PRKCA: variants seen among roughly 807,000 people sequenced by gnomAD.
PRKCA encodes the protein protein kinase C alpha, also known as protein kinase C alpha type.
A neutral mutation model predicts 87.0 loss-of-function variants in PRKCA; 27 were observed. The ratio of observed to expected loss-of-function variants is 0.31; its 90% CI spans 0.23 to 0.43. The LOEUF (loss-of-function observed/expected upper bound fraction) is 0.43, where lower values mean the gene tolerates loss of function less well. PRKCA is among the 20% of genes least tolerant of loss of function. The pLI is 1.00. For synonymous variants in PRKCA, 329 were observed against 311.1 expected, an observed-to-expected ratio of 1.06 and a Z score of -0.61; for missense variants, 518 against 852.3, an observed-to-expected ratio of 0.61 and a Z score of 4.88.
chr17:66,779,064 C>T (rs1301620288), intron 14 of PRKCA, among the ~76,000 whole-genome samples: 2 of 152,150 alleles, frequency 1.3e-5, no homozygotes, highest in African/African-American at 4.8e-5. Context: ...ATAATGAAGG[C>T]TCTACCCAGT....
intron 13 of PRKCA, among the ~76,000 whole-genome samples, chr17:66,754,017 G>T (rs144969512): frequency 2.6e-5 from 4 of 151,954 alleles, no homozygotes; most frequent in Non-Finnish European, 4.4e-5. Context: ...GTATTTAACC[G>T]TCTGTTGGCT....
chr17:66,740,560 T>C lies in PRKCA; in HGVS notation c.1323-1099T>C, dbSNP rs1022188840. ...GAAGGCAGAATAGGGAAATCTTTGG[T>C]TGCAAGCTTTAAAAGTGTGAAGGGG... On this transcript the variant is annotated intron_variant, in intron 11 of 16. Coordinates refer to ENST00000413366, the MANE Select transcript of PRKCA (RefSeq NM_002737.3). Among the ~76,000 whole-genome samples the C allele has an allele frequency of 3.3e-5, 5 of 152,198 alleles. 1 individual carries two copies. Among genetic ancestry groups the C allele is most frequent in the South Asian group, 4.1e-4 (2 of 4,834 alleles).
intron 5 of PRKCA, among the ~76,000 whole-genome samples, chr17:66,662,503 A>G (rs1310114381): frequency 1.3e-5 from 2 of 152,108 alleles, no homozygotes; most frequent in South Asian, 2.1e-4. Flanking sequence ...CATCCAAGAT[A>G]CTCGGCCCCC....
chr17:66,558,341 G>T (rs1361264985), intron 3 of PRKCA, among the ~76,000 whole-genome samples: 1 of 152,244 alleles, frequency 6.6e-6, no homozygotes, highest in Non-Finnish European at 1.5e-5. Flanking sequence ...CACAGTAGGT[G>T]CTATGTAGGC....
intron 2 of PRKCA, among the ~76,000 whole-genome samples, chr17:66,320,287 CCCTGTGCTATGAA>C (rs1234227576): frequency 1.3e-5 from 2 of 152,074 alleles, no homozygotes; most frequent in Non-Finnish European, 2.9e-5. Flanking sequence ...TATAGGATGA[CCCTGTGCTATGAA>C]CCTTTGTACT....
Position 66,803,080 on chromosome 17 carries a change from CTG to C in PRKCA, c.1855-787_1855-786del, listed in dbSNP as rs547708344. Among the ~76,000 whole-genome samples, 4 of 152,332 alleles carry C rather than the reference CTG, an allele frequency of 2.6e-5. No individual in the cohort carries two copies. In the South Asian group the frequency reaches 8.3e-4, roughly 32 times the overall value. On this transcript the variant is annotated intron_variant, in intron 16 of 16. Coordinates refer to ENST00000413366, the MANE Select transcript of PRKCA (RefSeq NM_002737.3). This position sits in a 1 kb window ranked among gnomAD's most constrained non-coding sequence, Gnocchi z 4.4. ...CTACCAAGCCGTGCTGCCTAAGCGGCTGTGTGTCTCAGCGACCCCAGTGCAAC... is the reference window on the plus strand; with the variant it reads ...CTACCAAGCCGTGCTGCCTAAGCGGCTGTGTCTCAGCGACCCCAGTGCAAC...
chr17:66,573,109 G>A (rs901795645), intron 3 of PRKCA, among the ~76,000 whole-genome samples: 1 of 152,100 alleles, frequency 6.6e-6, no homozygotes, highest in Non-Finnish European at 1.5e-5. Flanking sequence ...AGAAATGCTT[G>A]GTTTGTGGGT....
At chr17:66,628,583 T>C (rs1451374428) in intron 3 of PRKCA, among the ~76,000 whole-genome samples, 2 of 152,222 alleles carry the variant, frequency 1.3e-5, no homozygotes, top group Non-Finnish European at 2.9e-5. Flanking sequence ...TTTTCTAATT[T>C]TTTACAGCAA....
intron 2 of PRKCA, among the ~76,000 whole-genome samples, chr17:66,431,950 A>T (rs769786662): frequency 1.3e-5 from 2 of 152,126 alleles, no homozygotes; most frequent in Non-Finnish European, 2.9e-5. Flanking sequence ...TTCTTTTTTC[A>T]TTTCAAATCA....
At chr17:66,352,589 G>A (rs1389017698) in intron 2 of PRKCA, among the ~76,000 whole-genome samples, 2 of 99,724 alleles carry the variant, frequency 2.0e-5, no homozygotes, top group Admixed American at 1.5e-4. Flanking sequence ...TTTTGAGATG[G>A]AGTCTCTCTC....
chr17:66,535,176 C>T (rs112428726), intron 3 of PRKCA, among the ~76,000 whole-genome samples: 3 of 152,180 alleles, frequency 2.0e-5, no homozygotes, highest in African/African-American at 7.2e-5. Flanking sequence ...CAGCAGTAGG[C>T]AGGACTTGAA....
intron 2 of PRKCA, among the ~76,000 whole-genome samples, chr17:66,329,885 G>A (rs1906219952): frequency 6.6e-6 from 1 of 152,078 alleles, no homozygotes; most frequent in Non-Finnish European, 1.5e-5. Context: ...TCGAAATGTC[G>A]ATCTTTTTTC....
At chr17:66,646,701 T>C (rs1051837343) in intron 5 of PRKCA, among the ~76,000 whole-genome samples, 1 of 152,208 alleles carries the variant, frequency 6.6e-6, no homozygotes, top group Non-Finnish European at 1.5e-5. Flanking sequence ...AGCTTACCTT[T>C]GGAAACATCC....
chr17:66,351,344 C>A lies in PRKCA; in HGVS notation c.205+45217C>A, dbSNP rs572914424. Among the ~76,000 whole-genome samples the A allele has an allele frequency of 6.9e-4, 105 of 152,336 alleles. 1 individual carries two copies. In the South Asian group the frequency reaches 0.021, roughly 31 times the overall value. Reference sequence around the variant, plus strand: ...AACTCCAGCCCAGTTTTGGTGCCCCCGTTTCTGAGTCCTGAGCAAGTGTTC... The same window carrying A: ...AACTCCAGCCCAGTTTTGGTGCCCCAGTTTCTGAGTCCTGAGCAAGTGTTC... On this transcript the variant is annotated intron_variant, in intron 2 of 16. Coordinates refer to ENST00000413366, the MANE Select transcript of PRKCA (RefSeq NM_002737.3).
At chr17:66,378,212 A>G (rs2143574679) in intron 2 of PRKCA, among the ~76,000 whole-genome samples, 1 of 152,200 alleles carries the variant, frequency 6.6e-6, no homozygotes, top group Non-Finnish European at 1.5e-5. Context: ...AGTCTCAGCT[A>G]CTCAGGAGGC....
chr17:66,587,869 ATGTGTGTGTGTGTGTGTG>A (rs869036727), intron 3 of PRKCA, among the ~76,000 whole-genome samples: 10 of 79,066 alleles, frequency 1.3e-4, no homozygotes, highest in Non-Finnish European at 2.5e-4. Context: ...ATACATATGT[ATGTGTGTGTGTGTGTGTG>A]TGTGTGTGTA....
At chr17:66,434,666 C>T (rs1309594497) in intron 2 of PRKCA, among the ~76,000 whole-genome samples, 1 of 151,992 alleles carries the variant, frequency 6.6e-6, no homozygotes, top group Non-Finnish European at 1.5e-5. Context: ...CTTTTTTCCC[C>T]GAATGTGGCC....
intron 3 of PRKCA, among the ~76,000 whole-genome samples, chr17:66,519,089 T>C (rs1297925959): frequency 2.0e-5 from 3 of 152,138 alleles, no homozygotes; most frequent in Non-Finnish European, 4.4e-5. Context: ...GTGGAGGCAA[T>C]GGGCTCATGC....
intron 13 of PRKCA, among the ~76,000 whole-genome samples, chr17:66,763,557 T>C (rs1396459257): frequency 6.6e-6 from 1 of 152,244 alleles, no homozygotes; most frequent in African/African-American, 2.4e-5. Context: ...GAATGGATGA[T>C]GTTTTTCAAA....
Sources: gnomAD v4.1 joint callset for allele counts (sites outside exome capture counted in the v4.1 genomes callset) on GRCh38, gnomAD v4.1.1 for gene constraint, Gnocchi (gnomAD v3.1) non-coding constraint, MANE v1.5 for transcripts, NCBI Gene and HGNC (gene_info 2026-07-23, HGNC 2026-07-21) for gene names.